The following HS3ST4 variants were observed in gnomAD, a reference collection of about 807,000 sequenced individuals.
HS3ST4 encodes the protein heparan sulfate glucosamine 3-O-sulfotransferase 4.
HS3ST4 carries 17 observed loss-of-function variants against 29.2 expected under a neutral mutation model. The observed-to-expected ratio is 0.58, with a 90% CI of 0.40 to 0.87. HS3ST4 has a LOEUF of 0.87. Ranked by LOEUF, HS3ST4 falls within the 40% of genes least tolerant of loss-of-function variation. The pLI is 0.00. For missense variants in HS3ST4, 627 were observed against 634.5 expected (o/e 0.99, Z 0.13); for synonymous variants, 314 against 285.7 (o/e 1.10, Z -1.00).
chr16:25,865,994 C>A (rs117970824), intron 1 of HS3ST4, among the ~76,000 whole-genome samples: 1 of 152,176 alleles, frequency 6.6e-6, no homozygotes, highest in African/African-American at 2.4e-5. Flanking sequence ...AACTAAAAGT[C>A]TTCTGCACAG....
At chr16:25,970,853 C>G (rs1378480621) in intron 1 of HS3ST4, among the ~76,000 whole-genome samples, 1 of 151,852 alleles carries the variant, frequency 6.6e-6, no homozygotes, top group Admixed American at 6.6e-5. Context: ...TACAAGCATC[C>G]TTTCTTTCTT....
rs892033445 is a variant in HS3ST4, at chr16:25,722,507, T to TA, written c.734+29357dup. On this transcript the variant is annotated intron_variant, in intron 1 of 1. Transcript: ENST00000331351. ...GAATGATGCTGGCCTTACGGGAACTTACGTTGATTTCTCAGACAATACCGG... is the reference window on the plus strand; with the variant it reads ...GAATGATGCTGGCCTTACGGGAACTTAACGTTGATTTCTCAGACAATACCGG... Among the ~76,000 whole-genome samples, 86 of 152,354 alleles carry TA rather than the reference T, an allele frequency of 5.6e-4. 1 individual carries two copies. Among genetic ancestry groups the TA allele is most frequent in the African/African-American group, 2.0e-3 (84 of 41,582 alleles).
intron 1 of HS3ST4, among the ~76,000 whole-genome samples, chr16:26,086,533 T>C (rs1358691674): frequency 3.9e-5 from 6 of 152,002 alleles, no homozygotes; most frequent in Admixed American, 3.9e-4. Context: ...GTATTTTTAG[T>C]AGAGGCGGGG....
chr16:25,965,522 C>T (rs2141703946), intron 1 of HS3ST4, among the ~76,000 whole-genome samples: 1 of 152,238 alleles, frequency 6.6e-6, no homozygotes, highest in Non-Finnish European at 1.5e-5. Flanking sequence ...ATTTTGTTCC[C>T]AAGAATTTAT....
Position 26,021,062 on chromosome 16 carries a change from A to G in HS3ST4, c.735-114550A>G, listed in dbSNP as rs1242909357. Among the ~76,000 whole-genome samples, 3 of 152,188 alleles carry G rather than the reference A, an allele frequency of 2.0e-5. No homozygotes were observed. The East Asian group carries it at 5.8e-4, about 29-fold the overall frequency. On this transcript the variant is annotated intron_variant, in intron 1 of 1. Coordinates refer to ENST00000331351, the MANE Select transcript of HS3ST4 (RefSeq NM_006040.3). ...TCTTAAATGTGATTGTTAATATTTG[A>G]ACATTTGGAGTTTGAAACATCAAAA...
intron 1 of HS3ST4, among the ~76,000 whole-genome samples, chr16:25,879,714 A>G (rs1373961000): frequency 6.6e-6 from 1 of 152,144 alleles, no homozygotes; most frequent in Non-Finnish European, 1.5e-5. Context: ...AGGAAGAATA[A>G]GTCTAAGGGT....
chr16:26,089,021 G>T (rs1225229379), intron 1 of HS3ST4, among the ~76,000 whole-genome samples: 1 of 152,328 alleles, frequency 6.6e-6, no homozygotes, highest in African/African-American at 2.4e-5. Flanking sequence ...TGTCTAGCTT[G>T]TTGCCTGCCT....
chr16:25,696,017 A>G (rs2141578298), intron 1 of HS3ST4, among the ~76,000 whole-genome samples: 1 of 152,254 alleles, frequency 6.6e-6, no homozygotes, highest in South Asian at 2.1e-4. Flanking sequence ...TTATCTCTAA[A>G]TCCGGGTTTT....
intron 1 of HS3ST4, among the ~76,000 whole-genome samples, chr16:25,909,729 G>A (rs774808427): frequency 6.6e-6 from 1 of 152,142 alleles, no homozygotes; most frequent in South Asian, 2.1e-4. Flanking sequence ...AGTCTTTATC[G>A]TGAGTCTCTT....
At chr16:25,884,641 C>T (rs1231235022) in intron 1 of HS3ST4, among the ~76,000 whole-genome samples, 1 of 152,208 alleles carries the variant, frequency 6.6e-6, no homozygotes, top group African/African-American at 2.4e-5. Context: ...TCTCAACTCA[C>T]AGCAACCTCT....
chr16:25,707,686 G>A (rs1966384870), intron 1 of HS3ST4, among the ~76,000 whole-genome samples: 1 of 152,172 alleles, frequency 6.6e-6, no homozygotes. Flanking sequence ...CACTGCTTTA[G>A]CCACATTCAG....
chr16:26,042,322 C>A (rs1395552481), intron 1 of HS3ST4, among the ~76,000 whole-genome samples: 1 of 151,860 alleles, frequency 6.6e-6, no homozygotes, highest in Non-Finnish European at 1.5e-5. Flanking sequence ...GTTTAACCAC[C>A]TACATAATAA....
chr16:25,821,990 A>G (rs1322617594), intron 1 of HS3ST4, among the ~76,000 whole-genome samples: 1 of 152,192 alleles, frequency 6.6e-6, no homozygotes, highest in Admixed American at 6.5e-5. Context: ...CAGATGTCTC[A>G]TAGACTGGCT....
chr16:26,089,917 G>A (rs10852295), intron 1 of HS3ST4, among the ~76,000 whole-genome samples: 76,951 of 151,890 alleles, frequency 0.51, 19,759 homozygotes, highest in Middle Eastern at 0.6. Context: ...ACCTGGTATG[G>A]CCTTGTGAAC....
chr16:25,820,931 A>C (rs1967148441), intron 1 of HS3ST4, among the ~76,000 whole-genome samples: 1 of 152,044 alleles, frequency 6.6e-6, no homozygotes, highest in Non-Finnish European at 1.5e-5. Flanking sequence ...CAAGTCGAAT[A>C]AGTGGAATTG....
At chr16:25,972,921 C>A (rs1373896740) in intron 1 of HS3ST4, among the ~76,000 whole-genome samples, 1 of 152,154 alleles carries the variant, frequency 6.6e-6, no homozygotes, top group Non-Finnish European at 1.5e-5. Flanking sequence ...TACTACTACT[C>A]TGATTATTAT....
chr16:25,845,840 T>TA, intron 1 of HS3ST4, among the ~76,000 whole-genome samples: 1 of 152,294 alleles, frequency 6.6e-6, no homozygotes, highest in Non-Finnish European at 1.5e-5. Context: ...TTCTTATAAA[T>TA]TTAATGCACA....
rs11382075 is a variant in HS3ST4 at position 25,812,703 on chromosome 16, C to CTT, written c.734+119563_734+119564dup. 1.4e-3 allele frequency among the ~76,000 whole-genome samples: 203 copies of CTT among 146,598 alleles called. 1 individual carries two copies. Among genetic ancestry groups the CTT allele is most frequent in the African/African-American group, 2.7e-3 (106 of 39,872 alleles). ...ATTCTGAGACTCTGCAAAGTACTTCCTTTTTTTTTTTTGTTCTTGAGACAG... is the reference window on the plus strand; with the variant it reads ...ATTCTGAGACTCTGCAAAGTACTTCCTTTTTTTTTTTTTTGTTCTTGAGACAG... On this transcript the variant is annotated intron_variant, in intron 1 of 1. Transcript: ENST00000331351.
At chr16:25,740,820 C>T (rs1282885382) in intron 1 of HS3ST4, among the ~76,000 whole-genome samples, 2 of 152,076 alleles carry the variant, frequency 1.3e-5, no homozygotes, top group African/African-American at 4.8e-5. Flanking sequence ...TATCCTTTGC[C>T]CCTCAAAACT....
Sources: allele counts gnomAD v4.1 joint callset (sites outside exome capture counted in the v4.1 genomes callset), GRCh38; gene constraint gnomAD v4.1.1; transcripts MANE v1.5; gene names NCBI Gene and HGNC (gene_info 2026-07-23, HGNC 2026-07-21).